The following CHL1 variants were observed in gnomAD, a reference collection of about 807,000 sequenced individuals.
CHL1 encodes neural cell adhesion molecule L1-like protein.
CHL1 carries 96 observed loss-of-function variants against 141.9 expected under a neutral mutation model. That is an observed-to-expected ratio of 0.68 (90% CI 0.57 to 0.80). CHL1 has a LOEUF of 0.80. Among genes scored for constraint, CHL1 ranks in the 30% least tolerant of loss-of-function variants. The pLI, the probability that CHL1 is intolerant of heterozygous loss-of-function variation, is 0.00. For synonymous variants in CHL1, 613 were observed against 502.2 expected (o/e 1.22, Z -2.95); for missense variants, 1,820 against 1,457.2 (o/e 1.25, Z -4.05).
At chr3:360,256 C>T (rs1328323457) in intron 11 of CHL1, 28 bp from the exon 12 acceptor site, 1 of 1,611,388 alleles carries the variant, frequency 6.2e-7, no homozygotes, top group Admixed American at 1.7e-5. Flanking sequence ...TGTTCCTTAT[C>T]AAACTGACAT....
At position 369,776 on chromosome 3, in the gene CHL1, A is replaced by G. The variant is rs571775484; in HGVS notation, c.1751+3661A>G. Among the ~76,000 whole-genome samples the G allele has an allele frequency of 7.9e-5, 12 of 152,356 alleles. 1 individual carries two copies. The highest frequency in any genetic ancestry group is 2.9e-4 in the African/African-American group (12 of 41,582). ...TATTATTTTGAGATGTGTTCCATCA[A>G]TAACTAGTTAATTGACAGTTTTTAA... is the stretch of plus-strand genomic sequence containing the variant. On this transcript the variant is annotated intron_variant, in intron 15 of 27. Coordinates refer to ENST00000256509, the MANE Select transcript of CHL1 (RefSeq NM_006614.4).
At chr3:343,118 A>C (rs1384237995) in intron 8 of CHL1, 87 bp downstream of exon 8, 1 of 1,001,232 alleles carries the variant, frequency 1.0e-6, no homozygotes, top group Non-Finnish European at 1.5e-6. Context: ...TATCCTCTTA[A>C]GTTTATTACA....
rs1196376475 is a variant in CHL1 at position 242,695 on chromosome 3, CACAG to C, written c.-174-1916_-174-1913del. Reference sequence around the variant, plus strand: ...ACATGCACACAAACACACACACACACACAGAGAGAGAGAGAGATTAGATTAGTAG... The same window carrying C: ...ACATGCACACAAACACACACACACACAGAGAGAGAGAGATTAGATTAGTAG... On this transcript the variant is annotated intron_variant, in intron 1 of 27. Transcript: ENST00000256509. 4.8e-3 allele frequency among the ~76,000 whole-genome samples: 703 copies of C among 145,828 alleles called. 2 individuals carry two copies. Among genetic ancestry groups the C allele is most frequent in the Non-Finnish European group, 7.6e-3 (491 of 64,554 alleles).
At chr3:282,852 C>G (rs538070674) in intron 2 of CHL1, 1 of 152,348 alleles carries the variant, frequency 6.6e-6, no homozygotes, top group African/African-American at 2.4e-5. Context: ...TACTATTTCT[C>G]TCCATATAAA....
intron 1 of CHL1, among the ~76,000 whole-genome samples, chr3:222,981 C>A (rs1700989155): frequency 6.6e-6 from 1 of 152,078 alleles, no homozygotes; most frequent in African/African-American, 2.4e-5. Context: ...CAGATTCTGA[C>A]CCTCCAGCTT....
Position 270,063 on chromosome 3 carries a change from A to G in CHL1, c.-95+25371A>G, listed in dbSNP as rs529527995. ...GTGCTAAAGAGGAAGGGGGAATCAA[A>G]AAAGAGACAACGCTCTTTTATTTTC... On this transcript the variant is annotated intron_variant, in intron 2 of 27. Coordinates refer to ENST00000256509, the MANE Select transcript of CHL1 (RefSeq NM_006614.4). Among the ~76,000 whole-genome samples the G allele has an allele frequency of 8.1e-4, 123 of 152,312 alleles. 1 individual carries two copies. Among genetic ancestry groups the G allele is most frequent in the Non-Finnish European group, 1.5e-3 (105 of 68,024 alleles).
intron 2 of CHL1, among the ~76,000 whole-genome samples, chr3:256,837 T>C (rs763368558): frequency 5.3e-5 from 8 of 152,194 alleles, no homozygotes; most frequent in Non-Finnish European, 1.2e-4. Flanking sequence ...GACTGAGTGA[T>C]GGCATGATTT....
chr3:339,046 G>A (rs1702158965), intron 5 of CHL1, among the ~76,000 whole-genome samples: 1 of 152,144 alleles, frequency 6.6e-6, no homozygotes, highest in South Asian at 2.1e-4. Flanking sequence ...TGGATTACAT[G>A]CCCTTTCCAT....
At chr3:215,818 C>T (rs551231270) in intron 1 of CHL1, among the ~76,000 whole-genome samples, 172 of 152,130 alleles carry the variant, frequency 1.1e-3, no homozygotes, top group African/African-American at 2.4e-3. Flanking sequence ...TACAACCTGA[C>T]TTTTGGGAAA....
intron 2 of CHL1, among the ~76,000 whole-genome samples, chr3:277,104 A>AGT (rs1696209046): frequency 1.3e-5 from 2 of 152,136 alleles, no homozygotes. Context: ...TACTTAGAAC[A>AGT]GTGCCTGATA....
chr3:244,522 C>CG (rs1692974654), intron 1 of CHL1, 91 bp from the exon 2 acceptor site: 1 of 151,772 alleles, frequency 6.6e-6, no homozygotes, highest in Non-Finnish European at 1.5e-5. Context: ...AAATTAAATC[C>CG]ATTTTTTTAA....
chr3:312,628 C>T (rs1022391308), intron 2 of CHL1, among the ~76,000 whole-genome samples: 2 of 152,142 alleles, frequency 1.3e-5, no homozygotes, highest in Non-Finnish European at 2.9e-5. Flanking sequence ...ATAGTTTAAC[C>T]TAGCCTGATA....
At chr3:259,529 A>T (rs577990171) in intron 2 of CHL1, among the ~76,000 whole-genome samples, 2 of 152,274 alleles carry the variant, frequency 1.3e-5, no homozygotes, top group South Asian at 4.1e-4. Flanking sequence ...TCCTTGAGCC[A>T]CTTTTCAGCA....
intron 24 of CHL1, among the ~76,000 whole-genome samples, chr3:396,152 A>G (rs1708648350): frequency 6.6e-6 from 1 of 152,194 alleles, no homozygotes; most frequent in South Asian, 2.1e-4. Flanking sequence ...GGATGAATTG[A>G]ACACCAAGTG....
At chr3:197,637 G>T (rs1197135317) in intron 1 of CHL1, 1 of 366,578 alleles carries the variant, frequency 2.7e-6, no homozygotes, top group South Asian at 2.0e-5. Context: ...GCCCGGGGGG[G>T]GTTCCGAAAA....
chr3:266,665 A>G (rs868226611), intron 2 of CHL1, among the ~76,000 whole-genome samples: 1 of 152,198 alleles, frequency 6.6e-6, no homozygotes, highest in Non-Finnish European at 1.5e-5. Flanking sequence ...GTTGAAATAA[A>G]ACTTGCATTT....
chr3:350,317 G>A (rs750937926), intron 10 of CHL1, among the ~76,000 whole-genome samples: 2 of 152,154 alleles, frequency 1.3e-5, no homozygotes, highest in African/African-American at 2.4e-5. Flanking sequence ...TGTGAAGTTT[G>A]TCTAGTCCTC....
chr3:287,062 C>T lies in CHL1; in HGVS notation c.-94-32621C>T, dbSNP rs117121807. On this transcript the variant is annotated intron_variant, in intron 2 of 27. Coordinates refer to ENST00000256509, the MANE Select transcript of CHL1 (RefSeq NM_006614.4). ...TCATCCTCTGACTTAGAATACCCATCCTTCTGGGAATGCAGCCCAGTAGGT... is the reference window on the plus strand; with the variant it reads ...TCATCCTCTGACTTAGAATACCCATTCTTCTGGGAATGCAGCCCAGTAGGT... Among the ~76,000 whole-genome samples, 113 of 152,216 alleles carry T rather than the reference C, an allele frequency of 7.4e-4. 4 individuals are homozygous for T. In the South Asian group the frequency reaches 0.019, roughly 26 times the overall value.
chr3:400,885 C>T lies in CHL1; in HGVS notation c.3386-741C>T, dbSNP rs184148400. On this transcript the variant is annotated intron_variant, in intron 26 of 27. Coordinates refer to ENST00000256509, the MANE Select transcript of CHL1 (RefSeq NM_006614.4). ...AATTTTGAGTAAGAGTGATGTATAA[C>T]AACCAAATGACTGCCTTTTTTTTTT... Among the ~76,000 whole-genome samples the T allele has an allele frequency of 8.3e-5, 12 of 144,498 alleles. No individual in the cohort carries two copies. In the Admixed American group the frequency reaches 8.5e-4, roughly 10 times the overall value. The allele number at this position is 144,498 out of a possible 152,430, so 94.8% of individuals were successfully genotyped here.
Sources: gnomAD v4.1 joint callset for allele counts (sites outside exome capture counted in the v4.1 genomes callset) on GRCh38, gnomAD v4.1.1 for gene constraint, MANE v1.5 for transcripts, NCBI Gene and HGNC (gene_info 2026-07-23, HGNC 2026-07-21) for gene names.